PTPN9: variants seen among roughly 807,000 people sequenced by gnomAD.
PTPN9 encodes the protein tyrosine-protein phosphatase non-receptor type 9.
PTPN9 carries 26 observed loss-of-function variants against 69.8 expected under a neutral mutation model. The observed-to-expected ratio is 0.37, with a 90% CI of 0.27 to 0.52. The LOEUF (loss-of-function observed/expected upper bound fraction) is 0.52. Ranked by LOEUF, PTPN9 falls within the 20% of genes least tolerant of loss-of-function variation. PTPN9 has a pLI of 0.91. For synonymous variants in PTPN9, 274 were observed against 272.5 expected, an observed-to-expected ratio of 1.01 and a Z score of -0.05; for missense variants, 549 against 740.3, an observed-to-expected ratio of 0.74 and a Z score of 3.00.
rs1317597721 is a variant in PTPN9 at position 75,568,357 on chromosome 15, G to C, written c.63+10357C>G. On this transcript the variant is annotated intron_variant, in intron 1 of 12. Transcript: ENST00000618819. ...CAAATAAAAAATAAAAAATCTAACT[G>C]GGCATGGTGGTGTGGTGGTGCACGC... is the stretch of plus-strand genomic sequence containing the variant. Among the ~76,000 whole-genome samples the C allele has an allele frequency of 2.0e-5, 3 of 151,168 alleles. No homozygotes were observed. In the East Asian group the frequency reaches 5.9e-4, roughly 30 times the overall value.
intron 1 of PTPN9, among the ~76,000 whole-genome samples, chr15:75,534,097 T>C (rs1038826358): frequency 2.0e-5 from 3 of 152,212 alleles, no homozygotes; most frequent in Admixed American, 2.0e-4. Flanking sequence ...TATTCACTAC[T>C]GTGTGTTATT....
At chr15:75,487,538 T>C (rs1416121622) in intron 8 of PTPN9, 5 of 152,190 alleles carry the variant, frequency 3.3e-5, no homozygotes, top group Admixed American at 1.3e-4. Context: ...GTCTGATATG[T>C]GGCAGGCACT....
At chr15:75,534,789 AG>A (rs1201228563) in intron 1 of PTPN9, among the ~76,000 whole-genome samples, 1 of 152,022 alleles carries the variant, frequency 6.6e-6, no homozygotes, top group Non-Finnish European at 1.5e-5. Flanking sequence ...CCTGGCCAAC[AG>A]GGTGAAACCT....
chr15:75,476,346 ACTCT>A (rs1312832718), intron 9 of PTPN9, among the ~76,000 whole-genome samples: 1 of 151,994 alleles, frequency 6.6e-6, no homozygotes, highest in East Asian at 1.9e-4. Flanking sequence ...ACCGAGTATC[ACTCT>A]GTCGCCCAGG....
intron 1 of PTPN9, among the ~76,000 whole-genome samples, chr15:75,546,842 GA>G (rs2075035377): frequency 6.6e-6 from 1 of 151,948 alleles, no homozygotes; most frequent in African/African-American, 2.4e-5. Context: ...AGGGTTTCAA[GA>G]AGAAAGTAAC....
intron 8 of PTPN9, among the ~76,000 whole-genome samples, chr15:75,481,960 C>G (rs1051664983): frequency 6.9e-6 from 1 of 145,714 alleles, no homozygotes; most frequent in Non-Finnish European, 1.5e-5. Context: ...GGAGGTGTGC[C>G]CAACAGCTCA....
intron 1 of PTPN9, among the ~76,000 whole-genome samples, chr15:75,544,422 C>A (rs1384112915): frequency 1.3e-5 from 2 of 152,112 alleles, no homozygotes; most frequent in African/African-American, 4.8e-5. Flanking sequence ...GTGGTCCTAG[C>A]AGGAGGCTGA....
chr15:75,478,400 T>C (rs571726690), intron 9 of PTPN9, among the ~76,000 whole-genome samples: 3 of 152,322 alleles, frequency 2.0e-5, no homozygotes, highest in Admixed American at 2.0e-4. Flanking sequence ...CCATTGTGAC[T>C]GGCCCTTTAA....
intron 1 of PTPN9, among the ~76,000 whole-genome samples, chr15:75,554,641 CA>C (rs1285126985): frequency 2.6e-5 from 4 of 152,146 alleles, no homozygotes; most frequent in Non-Finnish European, 5.9e-5. Context: ...TCAATACTTT[CA>C]AATCCAAAAA....
chr15:75,527,935 A>T (rs1307586457), intron 1 of PTPN9, among the ~76,000 whole-genome samples: 1 of 152,192 alleles, frequency 6.6e-6, no homozygotes, highest in Non-Finnish European at 1.5e-5. Context: ...TGCCTAATGC[A>T]GTGTAGTATA....
chr15:75,539,176 C>G (rs184733255), intron 1 of PTPN9, among the ~76,000 whole-genome samples: 1 of 151,930 alleles, frequency 6.6e-6, no homozygotes, highest in Non-Finnish European at 1.5e-5. Context: ...CTTGATCTCT[C>G]GACCTCATGA....
intron 8 of PTPN9, chr15:75,480,646 GC>G: frequency 4.1e-6 from 5 of 1,220,610 alleles, no homozygotes; most frequent in South Asian, 2.0e-5. Flanking sequence ...ACGCCCGCGG[GC>G]CCCAGCTGCA....
intron 1 of PTPN9, among the ~76,000 whole-genome samples, chr15:75,577,229 G>C (rs1261298544): frequency 6.6e-6 from 1 of 152,156 alleles, no homozygotes; most frequent in East Asian, 1.9e-4. Context: ...ATTTGCAACG[G>C]ATGCTATTTG....
At chr15:75,513,642 C>T (rs2074854172) in intron 5 of PTPN9, among the ~76,000 whole-genome samples, 1 of 152,034 alleles carries the variant, frequency 6.6e-6, no homozygotes, top group Non-Finnish European at 1.5e-5. Context: ...TGATGAGCAC[C>T]TGTAATCCCA....
chr15:75,578,183 T>C (rs777194519), intron 1 of PTPN9, among the ~76,000 whole-genome samples: 2 of 152,130 alleles, frequency 1.3e-5, no homozygotes, highest in Admixed American at 6.5e-5. Context: ...GGATCTTCCA[T>C]AACCTGCCCA....
At chr15:75,502,535 A>G (rs551777833) in intron 7 of PTPN9, among the ~76,000 whole-genome samples, 4 of 152,060 alleles carry the variant, frequency 2.6e-5, no homozygotes, top group African/African-American at 7.2e-5. Context: ...GTGGGTGTGT[A>G]TATATATATG....
chr15:75,577,510 C>T (rs994403953), intron 1 of PTPN9, among the ~76,000 whole-genome samples: 2 of 152,168 alleles, frequency 1.3e-5, no homozygotes, highest in African/African-American at 2.4e-5. Flanking sequence ...TTTTCCCATA[C>T]AGATTTCATC....
Position 75,549,161 on chromosome 15 carries a change from A to G in PTPN9, c.64-21900T>C, listed in dbSNP as rs77140374. 8.0e-3 allele frequency among the ~76,000 whole-genome samples: 1,215 copies of G among 152,164 alleles called. 21 individuals carry two copies. The highest frequency in any genetic ancestry group is 0.028 in the African/African-American group (1,152 of 41,516). ...TTTTTTAAAGAAATCCTTAAAAGTG[A>G]GATAATATGAATTATGCAATTAATT... On this transcript the variant is annotated intron_variant, in intron 1 of 12. Coordinates refer to ENST00000618819, the MANE Select transcript of PTPN9 (RefSeq NM_002833.4).
At chr15:75,527,311 T>C (rs1344444799) in intron 1 of PTPN9, 50 bp from the exon 2 acceptor site, 2 of 1,596,834 alleles carry the variant, frequency 1.3e-6, no homozygotes, top group South Asian at 2.2e-5. Context: ...AGCATATTTA[T>C]GGAGTCAAAA....
Sources: allele counts gnomAD v4.1 joint callset (sites outside exome capture counted in the v4.1 genomes callset), GRCh38; gene constraint gnomAD v4.1.1; transcripts MANE v1.5; gene names NCBI Gene and HGNC (gene_info 2026-07-23, HGNC 2026-07-21).